Variants in TMEM71 observed in about 807,000 individuals in gnomAD.
The protein encoded by TMEM71 is transmembrane protein 71.
A neutral mutation model predicts 38.0 loss-of-function variants in TMEM71; 44 were observed. The ratio of observed to expected loss-of-function variants is 1.16; its 90% confidence interval spans 0.91 to 1.49. The LOEUF is 1.49. TMEM71 is among the 40% of genes most tolerant of loss of function. TMEM71 has a pLI of 0.00. For synonymous variants in TMEM71, 133 were observed against 122.5 expected (o/e 1.09, Z -0.56); for missense variants, 367 against 348.6 (o/e 1.05, Z -0.42).
In TMEM71 at chr8:132,710,860, C is replaced by G; in HGVS notation, c.*107G>C. 5 of 1,037,178 alleles carry G rather than the reference C, an allele frequency of 4.8e-6. No individual in the cohort carries two copies. The highest frequency in any genetic ancestry group is 7.5e-6 in the Non-Finnish European group (5 of 667,004). The allele number at this position is 1,037,178 out of a possible 1,614,324, so 64.2% of individuals were successfully genotyped here. On this transcript the variant is annotated 3_prime_UTR_variant, in exon 10 of 10. Coordinates refer to ENST00000677595, the MANE Select transcript of TMEM71 (RefSeq NM_001382403.1). ...CTAAAATGGCTTTTTCTCCATTACTCGCTTACTCCCTTCCAATAAAACACT... is the reference window on the plus strand; with the variant it reads ...CTAAAATGGCTTTTTCTCCATTACTGGCTTACTCCCTTCCAATAAAACACT...
chr8:132,753,763 G>A (rs771994052), intron 3 of TMEM71, among the ~76,000 whole-genome samples: 1 of 151,882 alleles, frequency 6.6e-6, no homozygotes, highest in Non-Finnish European at 1.5e-5. Context: ...TCTGTAAAAC[G>A]AGAAAAAAAT....
intron 4 of TMEM71, among the ~76,000 whole-genome samples, chr8:132,749,150 G>C (rs527511864): frequency 3.0e-4 from 45 of 152,222 alleles, no homozygotes; most frequent in Non-Finnish European, 2.6e-4. Context: ...CCTGAAGGAG[G>C]GTGCCTAACC....
intron 5 of TMEM71, among the ~76,000 whole-genome samples, chr8:132,728,678 T>C (rs1301905578): frequency 6.6e-6 from 1 of 152,274 alleles, no homozygotes; most frequent in Non-Finnish European, 1.5e-5. Flanking sequence ...AGTCAGTATA[T>C]GAACCTCACA....
At chr8:132,767,621 C>T in the TMEM71 span, among the ~76,000 whole-genome samples, 23 of 151,970 alleles carry the variant, frequency 1.5e-4, no homozygotes, top group Middle Eastern at 3.2e-3. Flanking sequence ...ACTACAGGTG[C>T]GCACCACCAT....
chr8:132,710,865 A>T lies in TMEM71; in HGVS notation c.*102T>A. ...ATGGCTTTTTCTCCATTACTCGCTT[A>T]CTCCCTTCCAATAAAACACTTGATT... On this transcript the variant is annotated 3_prime_UTR_variant, in exon 10 of 10. Transcript: ENST00000677595. 1 of 1,071,662 alleles carries T rather than the reference A, an allele frequency of 9.3e-7. No individual in the cohort carries two copies. Among genetic ancestry groups the T allele is most frequent in the Non-Finnish European group, 1.4e-6 (1 of 694,606 alleles). The allele number at this position is 1,071,662 out of a possible 1,614,324, so 66.4% of individuals were successfully genotyped here. A position where few individuals can be genotyped will look rare whatever the true frequency, so the allele number is the denominator to read the frequency against.
Position 132,754,214 on chromosome 8 carries a change from T to G in TMEM71, c.102-2217A>C, listed in dbSNP as rs1478507982. Reference sequence around the variant, plus strand: ...CAATGAAGCTTAAGTCACATTAGCTTGATTCTTTTTTTTCCCTCCAGTTAC... The same window carrying G: ...CAATGAAGCTTAAGTCACATTAGCTGGATTCTTTTTTTTCCCTCCAGTTAC... On this transcript the variant is annotated intron_variant, in intron 3 of 9. Transcript: ENST00000677595. 3.3e-5 allele frequency among the ~76,000 whole-genome samples: 5 copies of G among 152,278 alleles called. No homozygotes were observed. In the East Asian group the frequency reaches 9.6e-4, roughly 29 times the overall value.
chr8:132,712,392 T>C (rs1048529998), intron 9 of TMEM71, among the ~76,000 whole-genome samples: 3 of 152,116 alleles, frequency 2.0e-5, no homozygotes, highest in Admixed American at 2.0e-4. Flanking sequence ...CTCAGAACAA[T>C]GGGAAGTTCT....
intron 7 of TMEM71, among the ~76,000 whole-genome samples, chr8:132,715,798 G>T (rs1165270799): frequency 6.6e-6 from 1 of 152,200 alleles, no homozygotes; most frequent in South Asian, 2.1e-4. Flanking sequence ...TATTGCTGTG[G>T]GTTAGTATAT....
chr8:132,727,371 C>T (rs777909049), intron 6 of TMEM71, among the ~76,000 whole-genome samples: 3 of 151,834 alleles, frequency 2.0e-5, no homozygotes, highest in Non-Finnish European at 4.4e-5. Context: ...ATTCTCCTGC[C>T]TCAGCCTCCC....
intron 4 of TMEM71, among the ~76,000 whole-genome samples, chr8:132,749,879 T>G (rs1828599623): frequency 6.6e-6 from 1 of 151,682 alleles, no homozygotes; most frequent in Non-Finnish European, 1.5e-5. Context: ...CTGGACATGG[T>G]GGTGCATGCC....
At chr8:132,759,968 G>C (rs1041016740) in intron 1 of TMEM71, among the ~76,000 whole-genome samples, 12 of 152,172 alleles carry the variant, frequency 7.9e-5, no homozygotes, top group Non-Finnish European at 1.5e-5. Flanking sequence ...CCAGTGTAAT[G>C]TAATATATTA....
chr8:132,716,968 C>A (rs1365230034), intron 7 of TMEM71, among the ~76,000 whole-genome samples: 1 of 152,170 alleles, frequency 6.6e-6, no homozygotes, highest in African/African-American at 2.4e-5. Context: ...ATAGCTAAAA[C>A]AATCTTGAGG....
Position 132,746,926 on chromosome 8 carries a change from G to C in TMEM71, c.487+16C>G. ...GGAGATAAAATTTTACTATGGAAAGGAGGACTCAAACTCACCATTTCCATT... is the reference window on the plus strand; with the variant it reads ...GGAGATAAAATTTTACTATGGAAAGCAGGACTCAAACTCACCATTTCCATT... On this transcript the variant is annotated intron_variant, in intron 5 of 9. Coordinates refer to ENST00000677595, the MANE Select transcript of TMEM71 (RefSeq NM_001382403.1). 1.3e-6 allele frequency: 2 copies of C among 1,561,836 alleles called. No homozygotes were observed.
At chr8:132,756,026 C>A (rs1030934847) in intron 3 of TMEM71, among the ~76,000 whole-genome samples, 3 of 152,056 alleles carry the variant, frequency 2.0e-5, no homozygotes, top group South Asian at 2.1e-4. Flanking sequence ...TTGCTAGTAT[C>A]AGGAGGCCTA....
At chr8:132,763,416 A>G (rs1265958553), upstream of TMEM71, among the ~76,000 whole-genome samples, 1 of 152,246 alleles carries the variant, frequency 6.6e-6, no homozygotes, top group Non-Finnish European at 1.5e-5. Context: ...ATCCAGGTAG[A>G]CTTGCCTTCA....
chr8:132,716,871 G>A (rs1826563060), intron 7 of TMEM71, among the ~76,000 whole-genome samples: 1 of 152,168 alleles, frequency 6.6e-6, no homozygotes, highest in African/African-American at 2.4e-5. Flanking sequence ...GTTCTGTGGT[G>A]TGAATTTATT....
rs113091271 is a variant in TMEM71 at position 132,718,646 on chromosome 8, C to T, written c.752+3394G>A. Among the ~76,000 whole-genome samples, 444 of 151,786 alleles carry T rather than the reference C, an allele frequency of 2.9e-3. 2 individuals carry two copies. Among genetic ancestry groups the T allele is most frequent in the African/African-American group, 1.0e-2 (414 of 41,408 alleles). On this transcript the variant is annotated intron_variant, in intron 7 of 9. Coordinates refer to ENST00000677595, the MANE Select transcript of TMEM71 (RefSeq NM_001382403.1). ...TCTCCTGACTTCGTGATCCATCTGC[C>T]GCAACCTCCCAAAGTGCTGGGACTA...
At chr8:132,741,493 C>A (rs1412300176) in intron 5 of TMEM71, among the ~76,000 whole-genome samples, 2 of 152,004 alleles carry the variant, frequency 1.3e-5, no homozygotes, top group Non-Finnish European at 2.9e-5. Flanking sequence ...TTATTGGATA[C>A]AAAGCAAAAG....
In TMEM71 at chr8:132,726,722, A is replaced by T. The variant is rs1449209174; in HGVS notation, c.676+1076T>A. Among the ~76,000 whole-genome samples, 9 of 152,346 alleles carry T rather than the reference A, an allele frequency of 5.9e-5. No homozygotes were observed. In the East Asian group the frequency reaches 1.7e-3, roughly 29 times the overall value. Reference sequence around the variant, plus strand: ...ACATTAGCAAACCAGAGACTAAGGGACATGCTTGTTGAATTTATTACAGCT... The same window carrying T: ...ACATTAGCAAACCAGAGACTAAGGGTCATGCTTGTTGAATTTATTACAGCT... On this transcript the variant is annotated intron_variant, in intron 6 of 9. Transcript: ENST00000677595.
Sources: allele counts gnomAD v4.1 joint callset (sites outside exome capture counted in the v4.1 genomes callset), GRCh38; gene constraint gnomAD v4.1.1; transcripts MANE v1.5; gene names NCBI Gene and HGNC (gene_info 2026-07-23, HGNC 2026-07-21).